The following FSTL5 variants were observed in gnomAD, a reference collection of about 807,000 sequenced individuals.
FSTL5 encodes the protein follistatin-related protein 5.
In FSTL5, 62 loss-of-function variants were observed where a neutral mutation model predicts 89.1. The observed-to-expected ratio is 0.70, with a 90% CI of 0.57 to 0.86. FSTL5 has a LOEUF of 0.86. Ranked by LOEUF, FSTL5 falls within the 40% of genes least tolerant of loss-of-function variation. The pLI is 0.00. For missense variants in FSTL5, 1,057 were observed against 1,001.6 expected, an observed-to-expected ratio of 1.06 and a Z score of -0.75; for synonymous variants, 383 against 346.2, an observed-to-expected ratio of 1.11 and a Z score of -1.18.
chr4:161,595,851 T>A (rs1733995929), intron 7 of FSTL5, among the ~76,000 whole-genome samples: 1 of 152,030 alleles, frequency 6.6e-6, no homozygotes, highest in Admixed American at 6.6e-5. Flanking sequence ...ACTTTCTTTT[T>A]CATATTATGT....
chr4:161,700,906 A>T (rs1738365185), intron 6 of FSTL5, among the ~76,000 whole-genome samples: 1 of 152,192 alleles, frequency 6.6e-6, no homozygotes, highest in Non-Finnish European at 1.5e-5. Context: ...ATATTTGCAT[A>T]ACAATAATGT....
chr4:161,463,373 T>A (rs1400148818), intron 13 of FSTL5, among the ~76,000 whole-genome samples: 1 of 152,190 alleles, frequency 6.6e-6, no homozygotes, highest in East Asian at 1.9e-4. Flanking sequence ...GGAAAAATTG[T>A]AATTTTCAAG....
intron 3 of FSTL5, among the ~76,000 whole-genome samples, chr4:161,951,185 G>A (rs1734883903): frequency 6.6e-6 from 1 of 151,970 alleles, no homozygotes; most frequent in Non-Finnish European, 1.5e-5. Flanking sequence ...CACCATGATT[G>A]TGAGGCCTCC....
chr4:161,583,415 ATCTTG>A (rs1733501457), intron 8 of FSTL5, among the ~76,000 whole-genome samples: 1 of 152,082 alleles, frequency 6.6e-6, no homozygotes, highest in African/African-American at 2.4e-5. Flanking sequence ...AAACCGCCCT[ATCTTG>A]TCTTATTTTC....
At chr4:161,720,348 T>A (rs934690183) in intron 6 of FSTL5, among the ~76,000 whole-genome samples, 1 of 152,166 alleles carries the variant, frequency 6.6e-6, no homozygotes, top group African/African-American at 2.4e-5. Context: ...TAGCATTATT[T>A]TTTTTAAAAG....
chr4:161,469,791 C>T (rs991648129), intron 13 of FSTL5, among the ~76,000 whole-genome samples: 9 of 151,974 alleles, frequency 5.9e-5, no homozygotes, highest in Non-Finnish European at 8.8e-5. Context: ...GCGCCCACCA[C>T]CACGCCCGGC....
At chr4:162,061,367 T>C (rs1738712670) in intron 2 of FSTL5, among the ~76,000 whole-genome samples, 1 of 152,156 alleles carries the variant, frequency 6.6e-6, no homozygotes, top group Non-Finnish European at 1.5e-5. Flanking sequence ...TGATGTCCTC[T>C]GGAATACAAG....
intron 4 of FSTL5, among the ~76,000 whole-genome samples, chr4:161,776,834 T>C (rs1027164052): frequency 6.6e-6 from 1 of 152,062 alleles, no homozygotes; most frequent in Non-Finnish European, 1.5e-5. Flanking sequence ...AATTGGGATA[T>C]GGATCACCTC....
chr4:161,629,386 A>T (rs902335904), intron 7 of FSTL5, among the ~76,000 whole-genome samples: 8 of 152,096 alleles, frequency 5.3e-5, no homozygotes. Flanking sequence ...CTTGTCACCC[A>T]GGCTGGAGTG....
intron 4 of FSTL5, among the ~76,000 whole-genome samples, chr4:161,853,101 C>T (rs1379866054): frequency 6.6e-6 from 1 of 152,176 alleles, no homozygotes; most frequent in African/African-American, 2.4e-5. Context: ...TTCCTAATAG[C>T]CTCCCTTAAG....
At chr4:161,497,399 C>T (rs190270255) in intron 12 of FSTL5, among the ~76,000 whole-genome samples, 209 of 152,004 alleles carry the variant, frequency 1.4e-3, no homozygotes, top group African/African-American at 4.9e-3. Context: ...TAACAATTCC[C>T]TTTTTAAATA....
At position 161,607,078 on chromosome 4, in the gene FSTL5, A is replaced by G. The variant is rs866644329; in HGVS notation, c.895-19503T>C. On this transcript the variant is annotated intron_variant, in intron 7 of 15. Coordinates refer to ENST00000306100, the MANE Select transcript of FSTL5 (RefSeq NM_020116.5). ...AAAAGGTGATAACTCAATAATGTAT[A>G]CATACTGACAGTTGGTTTCACAAAC... Among the ~76,000 whole-genome samples, 9 of 152,332 alleles carry G rather than the reference A, an allele frequency of 5.9e-5. No individual in the cohort carries two copies. In the South Asian group the frequency reaches 6.2e-4, roughly 11 times the overall value.
At chr4:161,453,969 C>A (rs1405026809) in intron 15 of FSTL5, among the ~76,000 whole-genome samples, 1 of 152,042 alleles carries the variant, frequency 6.6e-6, no homozygotes, top group African/African-American at 2.4e-5. Flanking sequence ...AATTGATTGA[C>A]AAATATATCA....
At chr4:161,462,028 CCA>C (rs1337798129) in intron 13 of FSTL5, among the ~76,000 whole-genome samples, 1 of 152,148 alleles carries the variant, frequency 6.6e-6, no homozygotes, top group African/African-American at 2.4e-5. Context: ...ATGAAAATTT[CCA>C]GTTTGCCAGC....
chr4:162,121,221 T>C (rs1355163692), intron 1 of FSTL5, among the ~76,000 whole-genome samples: 2 of 151,584 alleles, frequency 1.3e-5, no homozygotes, highest in Admixed American at 6.6e-5. Context: ...TTTGACAACT[T>C]TGAAACAGAA....
Position 161,453,755 on chromosome 4 carries a change from G to A in FSTL5, c.1841+1249C>T, listed in dbSNP as rs1363871923. ...GACTACAGACATGCACCACCATGTC[G>A]GCTAATTTTTGTAATTTTAATAGAG... is the stretch of plus-strand genomic sequence containing the variant. On this transcript the variant is annotated intron_variant, in intron 15 of 15. Transcript: ENST00000306100. Among the ~76,000 whole-genome samples the A allele has an allele frequency of 4.0e-5, 6 of 151,862 alleles. No individual in the cohort carries two copies. In the East Asian group the frequency reaches 7.7e-4, roughly 20 times the overall value.
At position 161,880,159 on chromosome 4, in the gene FSTL5, GT is replaced by G. The variant is rs553011408; in HGVS notation, c.409+40244del. Among the ~76,000 whole-genome samples the G allele has an allele frequency of 2.9e-3, 446 of 152,114 alleles. 2 individuals are homozygous for G. The highest frequency in any genetic ancestry group is 0.01 in the African/African-American group (421 of 41,498). On this transcript the variant is annotated intron_variant, in intron 4 of 15. Coordinates refer to ENST00000306100, the MANE Select transcript of FSTL5 (RefSeq NM_020116.5). ...AGAAAAAGGAGGCACTGGAGTGGTG[GT>G]AATGGTAAAGGTAAATTTTACTGCA...
chr4:161,926,373 G>A (rs1190123901), intron 3 of FSTL5, among the ~76,000 whole-genome samples: 8 of 146,822 alleles, frequency 5.4e-5, no homozygotes, highest in African/African-American at 1.3e-4. Flanking sequence ...GCTTCTTCAT[G>A]TAATTCTGCA....
chr4:161,388,857 T>C (rs1428947502), intron 15 of FSTL5, among the ~76,000 whole-genome samples: 1 of 152,114 alleles, frequency 6.6e-6, no homozygotes, highest in Non-Finnish European at 1.5e-5. Context: ...AATTTTAACT[T>C]TGATACTACC....
Sources: allele counts gnomAD v4.1 joint callset (sites outside exome capture counted in the v4.1 genomes callset), GRCh38; gene constraint gnomAD v4.1.1; transcripts MANE v1.5; gene names NCBI Gene and HGNC (gene_info 2026-07-23, HGNC 2026-07-21).